The following LRRC4C variants were observed in gnomAD, a reference collection of about 807,000 sequenced individuals.
LRRC4C encodes the protein leucine rich repeat containing 4C, also known as leucine-rich repeat-containing protein 4C.
In LRRC4C, 5 loss-of-function variants were observed where a neutral mutation model predicts 33.6. The observed-to-expected ratio is 0.15, with a 90% CI of 0.08 to 0.31. The LOEUF is 0.31. Among genes scored for constraint, LRRC4C ranks in the 10% least tolerant of loss-of-function variants. The pLI, the probability that LRRC4C is intolerant of heterozygous loss-of-function variation, is 1.00. For missense variants in LRRC4C, 560 were observed against 796.7 expected (o/e 0.70, Z 3.58); for synonymous variants, 329 against 302.0 (o/e 1.09, Z -0.93).
At chr11:41,349,516 C>A (rs1232111738) in intron 1 of LRRC4C, among the ~76,000 whole-genome samples, 1 of 152,022 alleles carries the variant, frequency 6.6e-6, no homozygotes, top group South Asian at 2.1e-4. Flanking sequence ...TGGTTTCAGC[C>A]CCTCAGGGTT....
intron 1 of LRRC4C, among the ~76,000 whole-genome samples, chr11:41,206,980 T>A (rs1478774797): frequency 6.6e-6 from 1 of 152,150 alleles, no homozygotes; most frequent in East Asian, 1.9e-4. Flanking sequence ...ATATATATAT[T>A]TTTCTGCTAT....
At chr11:40,945,373 A>C (rs909772383) in intron 1 of LRRC4C, among the ~76,000 whole-genome samples, 24 of 152,098 alleles carry the variant, frequency 1.6e-4, no homozygotes, top group African/African-American at 4.1e-4. Flanking sequence ...TCAGCCAGTG[A>C]AGCATGTTTT....
chr11:40,595,048 ATCAGACTTTAT>A (rs1382842939), intron 3 of LRRC4C, among the ~76,000 whole-genome samples: 1 of 152,238 alleles, frequency 6.6e-6, no homozygotes, highest in Admixed American at 6.5e-5. Flanking sequence ...ATATGGGTTT[ATCAGACTTTAT>A]TCATTTCCAT....
At chr11:41,322,034 T>C (rs1018499908) in intron 1 of LRRC4C, among the ~76,000 whole-genome samples, 1 of 151,970 alleles carries the variant, frequency 6.6e-6, no homozygotes, top group Non-Finnish European at 1.5e-5. Flanking sequence ...CTGGCTAATT[T>C]TTCTATTTTT....
intron 1 of LRRC4C, among the ~76,000 whole-genome samples, chr11:41,198,826 G>A (rs985951531): frequency 2.6e-5 from 4 of 152,078 alleles, no homozygotes; most frequent in Admixed American, 6.6e-5. Context: ...TAAGTATAAG[G>A]AGGAGAAGCA....
intron 5 of LRRC4C, among the ~76,000 whole-genome samples, chr11:40,171,821 G>T (rs1312766102): frequency 6.6e-6 from 1 of 152,050 alleles, no homozygotes; most frequent in Non-Finnish European, 1.5e-5. Flanking sequence ...TTATCTTTCC[G>T]TACCACCATG....
chr11:41,148,999 G>A (rs1050324498), intron 1 of LRRC4C, among the ~76,000 whole-genome samples: 4 of 152,136 alleles, frequency 2.6e-5, no homozygotes, highest in Admixed American at 2.0e-4. Context: ...ATGGCCAATT[G>A]TCTCAAGTGG....
chr11:41,051,451 C>T lies in LRRC4C; in HGVS notation c.-495-117728G>A, dbSNP rs1008068355. On this transcript the variant is annotated intron_variant, in intron 1 of 6. Coordinates refer to ENST00000528697, the MANE Select transcript of LRRC4C (RefSeq NM_001258419.2). ...AGTAATCACATGCTTTATTCAACTA[C>T]TTCCATAATGAAGAATTTATCTTAT... 2.3e-5 allele frequency among the ~76,000 whole-genome samples: 3 copies of T among 128,992 alleles called. No individual in the cohort carries two copies. The Admixed American group carries it at 2.9e-4, about 13-fold the overall frequency. The allele number at this position is 128,992 out of a possible 152,430, so 84.6% of individuals were successfully genotyped here. A position where few individuals can be genotyped will look rare whatever the true frequency, so the allele number is the denominator to read the frequency against.
rs538102000 is a variant in LRRC4C, at chr11:40,175,586, C to G, written c.-95-34733G>C. Among the ~76,000 whole-genome samples the G allele has an allele frequency of 2.0e-5, 3 of 152,314 alleles. No individual in the cohort carries two copies. The East Asian group carries it at 5.8e-4, about 29-fold the overall frequency. On this transcript the variant is annotated intron_variant, in intron 5 of 6. Coordinates refer to ENST00000528697, the MANE Select transcript of LRRC4C (RefSeq NM_001258419.2). Reference sequence around the variant, plus strand: ...CTTCCTCTGCAGAGTGATGGCAGTTCCTCATGATCTGGACACAAAGATTTT... The same window carrying G: ...CTTCCTCTGCAGAGTGATGGCAGTTGCTCATGATCTGGACACAAAGATTTT...
chr11:40,698,417 C>T (rs1945687728), intron 2 of LRRC4C, among the ~76,000 whole-genome samples: 1 of 151,960 alleles, frequency 6.6e-6, no homozygotes, highest in African/African-American at 2.4e-5. Context: ...GAGAATAATC[C>T]AATTCTGGTC....
At chr11:40,343,872 C>T (rs1565294400) in intron 3 of LRRC4C, among the ~76,000 whole-genome samples, 1 of 151,956 alleles carries the variant, frequency 6.6e-6, no homozygotes, top group East Asian at 1.9e-4. Context: ...CTAAGAACAC[C>T]TCCATGCACA....
chr11:40,239,919 T>G (rs1865818871), intron 5 of LRRC4C, among the ~76,000 whole-genome samples: 1 of 152,198 alleles, frequency 6.6e-6, no homozygotes, highest in South Asian at 2.1e-4. Flanking sequence ...CACAAAGTGT[T>G]AAAGACCAGC....
At chr11:40,977,119 G>T (rs989978044) in intron 1 of LRRC4C, among the ~76,000 whole-genome samples, 4 of 151,964 alleles carry the variant, frequency 2.6e-5, no homozygotes. Context: ...TTACAATAGG[G>T]TTTGCCCTCC....
At chr11:41,349,287 G>A (rs902766231) in intron 1 of LRRC4C, among the ~76,000 whole-genome samples, 1 of 152,008 alleles carries the variant, frequency 6.6e-6, no homozygotes, top group Non-Finnish European at 1.5e-5. Flanking sequence ...GCACACACTT[G>A]CCTGCAACTT....
At chr11:41,170,103 C>T (rs1944905874) in intron 1 of LRRC4C, among the ~76,000 whole-genome samples, 1 of 152,078 alleles carries the variant, frequency 6.6e-6, no homozygotes, top group Admixed American at 6.6e-5. Flanking sequence ...ATACTGAATC[C>T]TTCACTGATA....
Position 40,716,480 on chromosome 11 carries a change from C to A in LRRC4C, c.-406-68202G>T, listed in dbSNP as rs1458041141. On this transcript the variant is annotated intron_variant, in intron 2 of 6. Transcript: ENST00000528697. The stretch of plus-strand genomic sequence containing the variant: ...ACAACAATAACAAAATAACCAAAAA[C>A]AATTGCTTCACTTTTGGGCCTCTGG... Among the ~76,000 whole-genome samples, 5 of 152,002 alleles carry A rather than the reference C, an allele frequency of 3.3e-5. No homozygotes were observed. In the East Asian group the frequency reaches 5.8e-4, roughly 18 times the overall value.
intron 1 of LRRC4C, among the ~76,000 whole-genome samples, chr11:41,141,375 T>TA (rs898145122): frequency 1.1e-4 from 17 of 150,994 alleles, no homozygotes; most frequent in African/African-American, 3.4e-4. Flanking sequence ...AAATTTCTCT[T>TA]AAAAAAAAAG....
chr11:41,387,634 AG>A (rs1439826739), intron 1 of LRRC4C, among the ~76,000 whole-genome samples: 2 of 151,780 alleles, frequency 1.3e-5, no homozygotes, highest in Non-Finnish European at 2.9e-5. Flanking sequence ...AGAATGGAAA[AG>A]TCCAATAAAT....
At chr11:40,293,593 AAC>A (rs1944349154) in intron 4 of LRRC4C, 1 of 152,236 alleles carries the variant, frequency 6.6e-6, no homozygotes, top group Admixed American at 6.5e-5. Flanking sequence ...AATTAAAAAA[AAC>A]ACACACGAAA....
Sources: allele counts gnomAD v4.1 joint callset (sites outside exome capture counted in the v4.1 genomes callset), GRCh38; gene constraint gnomAD v4.1.1; transcripts MANE v1.5; gene names NCBI Gene and HGNC (gene_info 2026-07-23, HGNC 2026-07-21).